ADAM10: variants seen among roughly 807,000 people sequenced by gnomAD.
The protein encoded by ADAM10 is ADAM metallopeptidase domain 10.
In ADAM10, 17 loss-of-function variants were observed where a neutral mutation model predicts 90.1. That is an observed-to-expected ratio of 0.19 (90% CI 0.13 to 0.28). The LOEUF is 0.28. Ranked by LOEUF, ADAM10 falls within the 10% of genes least tolerant of loss-of-function variation. The pLI, the probability that ADAM10 is intolerant of heterozygous loss-of-function variation, is 1.00. For synonymous variants in ADAM10, 310 were observed against 298.6 expected, an observed-to-expected ratio of 1.04 and a Z score of -0.40; for missense variants, 610 against 914.3, an observed-to-expected ratio of 0.67 and a Z score of 4.29.
chr15:58,652,496 T>C (rs1184408195), intron 5 of ADAM10, among the ~76,000 whole-genome samples: 6 of 152,156 alleles, frequency 3.9e-5, no homozygotes, highest in Admixed American at 3.3e-4. Flanking sequence ...ATTGAAGAGA[T>C]TGTCTTTACC....
chr15:58,699,605 T>C (rs527839041), intron 2 of ADAM10, among the ~76,000 whole-genome samples: 87 of 152,004 alleles, frequency 5.7e-4, no homozygotes, highest in African/African-American at 2.0e-3. Context: ...AAACCCTATC[T>C]CTACAAAAAA....
intron 9 of ADAM10, among the ~76,000 whole-genome samples, chr15:58,630,059 T>A (rs1376581672): frequency 1.3e-5 from 2 of 151,992 alleles, no homozygotes; most frequent in Non-Finnish European, 2.9e-5. Flanking sequence ...CAGGTGTGAG[T>A]CACCACAGCT....
chr15:58,734,344 G>GC (rs1899357657), intron 1 of ADAM10, among the ~76,000 whole-genome samples: 1 of 152,136 alleles, frequency 6.6e-6, no homozygotes, highest in Non-Finnish European at 1.5e-5. Context: ...AGGTTTGAGT[G>GC]ATATGTAACA....
rs145650820 is a variant in ADAM10, at chr15:58,717,557, T to A, written c.206+20A>T. The A allele has an allele frequency of 1.9e-6, 3 of 1,613,654 alleles. No individual in the cohort carries two copies. Among genetic ancestry groups the A allele is most frequent in the Non-Finnish European group, 2.5e-6 (3 of 1,179,822 alleles). Reference sequence around the variant, plus strand: ...GAATATAGAGGAACTTCAGACACAGTCAGCAATAAATTTACTTACCTTCCA... The same window carrying A: ...GAATATAGAGGAACTTCAGACACAGACAGCAATAAATTTACTTACCTTCCA... On this transcript the variant is annotated intron_variant, in intron 2 of 15. Transcript: ENST00000260408.
intron 4 of ADAM10, among the ~76,000 whole-genome samples, chr15:58,674,971 C>CGAGGTCAA (rs1484343845): frequency 1.3e-5 from 2 of 152,182 alleles, no homozygotes; most frequent in South Asian, 2.1e-4. Flanking sequence ...GGGCGGATCA[C>CGAGGTCAA]GAGGTCAAGA....
At chr15:58,624,201 G>A (rs542167768) in intron 10 of ADAM10, among the ~76,000 whole-genome samples, 170 of 151,892 alleles carry the variant, frequency 1.1e-3, no homozygotes, top group Middle Eastern at 6.8e-3. Context: ...CATGAGAATC[G>A]CTTGAACCTG....
intron 10 of ADAM10, among the ~76,000 whole-genome samples, chr15:58,622,530 G>A (rs1895817497): frequency 6.6e-6 from 1 of 152,178 alleles, no homozygotes; most frequent in Admixed American, 6.5e-5. Context: ...CTATTTAGCT[G>A]ATTGTAATAC....
intron 1 of ADAM10, among the ~76,000 whole-genome samples, chr15:58,722,726 CTTTTTT>C (rs71116592): frequency 9.6e-6 from 1 of 104,004 alleles, no homozygotes; most frequent in African/African-American, 3.7e-5. Context: ...AATTTGAGAA[CTTTTTT>C]TTTTTTTTTT....
intron 2 of ADAM10, among the ~76,000 whole-genome samples, chr15:58,705,706 A>G (rs1898262080): frequency 6.6e-6 from 1 of 152,226 alleles, no homozygotes; most frequent in African/African-American, 2.4e-5. Flanking sequence ...ACATCTTAAT[A>G]TACAGAAATA....
At chr15:58,743,286 C>G (rs1299343963) in intron 1 of ADAM10, among the ~76,000 whole-genome samples, 1 of 152,176 alleles carries the variant, frequency 6.6e-6, no homozygotes, top group East Asian at 1.9e-4. Flanking sequence ...ATAGGCCTCT[C>G]ACTGAAACTT....
At chr15:58,704,388 G>T (rs1898221503) in intron 2 of ADAM10, among the ~76,000 whole-genome samples, 1 of 152,104 alleles carries the variant, frequency 6.6e-6, no homozygotes, top group Admixed American at 6.6e-5. Context: ...GTTGCACAAC[G>T]TTGTGCATGT....
chr15:58,666,861 T>C (rs1265873051), intron 4 of ADAM10, among the ~76,000 whole-genome samples: 1 of 152,166 alleles, frequency 6.6e-6, no homozygotes, highest in African/African-American at 2.4e-5. Context: ...TATTTATATA[T>C]GCTTCAAATT....
chr15:58,600,486 T>C, intron 14 of ADAM10, among the ~76,000 whole-genome samples: 1 of 152,264 alleles, frequency 6.6e-6, no homozygotes, highest in South Asian at 2.1e-4. Context: ...TAGTTTTCAT[T>C]ACATTATATA....
At chr15:58,643,676 T>A (rs1896471657) in intron 7 of ADAM10, among the ~76,000 whole-genome samples, 1 of 152,206 alleles carries the variant, frequency 6.6e-6, no homozygotes, top group Non-Finnish European at 1.5e-5. Context: ...ATTAAGACCT[T>A]ATACATTTAA....
chr15:58,627,004 T>C lies in ADAM10; in HGVS notation c.1360+696A>G, dbSNP rs2140665503. On this transcript the variant is annotated intron_variant, in intron 10 of 15. Coordinates refer to ENST00000260408, the MANE Select transcript of ADAM10 (RefSeq NM_001110.4). ...TATATTTTACTAAAATAAGAAATAA[T>C]TTCATAGTAACTTTATTCACATTAG... Among the ~76,000 whole-genome samples the C allele has an allele frequency of 1.3e-5, 2 of 152,248 alleles. 1 individual carries two copies. Among genetic ancestry groups the C allele is most frequent in the South Asian group, 4.1e-4 (2 of 4,826 alleles).
chr15:58,701,018 AAAAC>A (rs1898118514), intron 2 of ADAM10, among the ~76,000 whole-genome samples: 2 of 129,466 alleles, frequency 1.5e-5, no homozygotes, highest in East Asian at 2.2e-4. Flanking sequence ...AAAAAACAAA[AAAAC>A]AAAAAAAAAA....
At chr15:58,603,700 T>G (rs1333675947) in intron 14 of ADAM10, among the ~76,000 whole-genome samples, 14 of 152,016 alleles carry the variant, frequency 9.2e-5, no homozygotes, top group African/African-American at 3.4e-4. Context: ...ATTTCCAAGA[T>G]AGACCACTAT....
chr15:58,692,657 T>C (rs189122371), intron 2 of ADAM10: 9 of 560,620 alleles, frequency 1.6e-5, no homozygotes, highest in Admixed American at 9.6e-5. Context: ...AGGTGAAGGA[T>C]CACTTTGGTA....
chr15:58,708,492 T>C (rs1261886907), intron 2 of ADAM10, among the ~76,000 whole-genome samples: 1 of 151,994 alleles, frequency 6.6e-6, no homozygotes, highest in African/African-American at 2.4e-5. Flanking sequence ...CAAGAAGCCC[T>C]ATCTACAAAA....
Sources: gnomAD v4.1 joint callset for allele counts (sites outside exome capture counted in the v4.1 genomes callset) on GRCh38, gnomAD v4.1.1 for gene constraint, MANE v1.5 for transcripts, NCBI Gene and HGNC (gene_info 2026-07-23, HGNC 2026-07-21) for gene names.